The following CPA6 variants were observed in gnomAD, a reference collection of about 807,000 sequenced individuals.
CPA6 encodes carboxypeptidase A6, also known as carboxypeptidase B.
A neutral mutation model predicts 63.3 loss-of-function variants in CPA6; 58 were observed. The observed-to-expected ratio is 0.92, with a 90% CI of 0.74 to 1.14. The LOEUF (loss-of-function observed/expected upper bound fraction) is 1.14, where lower values mean the gene tolerates loss of function less well. Ranked by LOEUF, CPA6 falls within the 50% of genes most tolerant of loss-of-function variation. CPA6 has a pLI of 0.00. For synonymous variants in CPA6, 185 were observed against 179.0 expected (o/e 1.03, Z -0.27); for missense variants, 565 against 526.6 (o/e 1.07, Z -0.71).
At chr8:67,616,963 C>G (rs1814970921) in intron 2 of CPA6, among the ~76,000 whole-genome samples, 1 of 152,150 alleles carries the variant, frequency 6.6e-6, no homozygotes, top group Admixed American at 6.6e-5. Flanking sequence ...GTGCTAGACC[C>G]AACCTTCAGC....
intron 2 of CPA6, among the ~76,000 whole-genome samples, chr8:67,523,943 G>A (rs1812310404): frequency 6.6e-6 from 1 of 152,228 alleles, no homozygotes; most frequent in African/African-American, 2.4e-5. Flanking sequence ...TGTTGGTTTG[G>A]AAAAGGGTTA....
intron 8 of CPA6, among the ~76,000 whole-genome samples, chr8:67,436,213 T>C: frequency 6.6e-6 from 1 of 151,922 alleles, no homozygotes; most frequent in East Asian, 1.9e-4. Context: ...AGAGGCTGAG[T>C]GGACAGTCAG....
At chr8:67,680,797 T>C (rs187206625) in intron 1 of CPA6, among the ~76,000 whole-genome samples, 37 of 152,344 alleles carry the variant, frequency 2.4e-4, no homozygotes, top group African/African-American at 8.4e-4. Context: ...AATCCACCAG[T>C]TACCCAAAGT....
rs551095520 is a variant in CPA6 at position 67,484,679 on chromosome 8, A to G, written c.747T>C (p.Asn249=). Reference sequence around the variant, plus strand: ...CAACTGGGTAGGCAAAGTGACTTACATTGGTCCAACTAAAATGGTATCCAT... The same window carrying G: ...CAACTGGGTAGGCAAAGTGACTTACGTTGGTCCAACTAAAATGGTATCCAT... ...NVDGYHFSWT[N]DRFWRKTRSR... Residue 249 remains asparagine (N), a splice_region_variant and synonymous_variant, in exon 7 of 11, where the codon AAT becomes AAC. Transcript: ENST00000297770. 4 of 1,506,912 alleles carry G rather than the reference A, an allele frequency of 2.7e-6. No homozygotes were observed. Among genetic ancestry groups the G allele is most frequent in the African/African-American group, 2.7e-5 (2 of 72,784 alleles). The allele number at this position is 1,506,912 out of a possible 1,614,324, so 93.3% of individuals were successfully genotyped here.
At chr8:67,492,189 C>T (rs191173134) in intron 6 of CPA6, among the ~76,000 whole-genome samples, 2 of 152,280 alleles carry the variant, frequency 1.3e-5, no homozygotes, top group African/African-American at 2.4e-5. Context: ...AAATATGCAG[C>T]CACAGGAATA....
intron 1 of CPA6, among the ~76,000 whole-genome samples, chr8:67,640,334 C>A (rs967012109): frequency 6.6e-6 from 1 of 151,438 alleles, no homozygotes; most frequent in Non-Finnish European, 1.5e-5. Context: ...TTCAGTACCC[C>A]TTTGGCCTCC....
intron 10 of CPA6, among the ~76,000 whole-genome samples, chr8:67,427,496 G>A (rs1486943399): frequency 2.0e-5 from 3 of 152,256 alleles, no homozygotes; most frequent in East Asian, 3.9e-4. Context: ...AAGAACCTAC[G>A]TGGAGTGAAA....
intron 6 of CPA6, among the ~76,000 whole-genome samples, chr8:67,492,858 T>C (rs1275013760): frequency 6.6e-6 from 1 of 152,156 alleles, no homozygotes; most frequent in Non-Finnish European, 1.5e-5. Flanking sequence ...AACTCTGCTA[T>C]GTTCAAGGCA....
intron 4 of CPA6, among the ~76,000 whole-genome samples, chr8:67,510,133 G>A (rs1812013332): frequency 6.6e-6 from 1 of 151,984 alleles, no homozygotes; most frequent in Non-Finnish European, 1.5e-5. Flanking sequence ...CATATCAGAG[G>A]GCAAACTCTG....
chr8:67,522,276 C>T (rs968430780), intron 2 of CPA6, among the ~76,000 whole-genome samples: 1 of 152,198 alleles, frequency 6.6e-6, no homozygotes, highest in Non-Finnish European at 1.5e-5. Flanking sequence ...TTCAGGCCCC[C>T]TCTCACACAG....
At chr8:67,509,123 C>T (rs995242538) in intron 5 of CPA6, among the ~76,000 whole-genome samples, 1 of 152,166 alleles carries the variant, frequency 6.6e-6, no homozygotes, top group Admixed American at 6.5e-5. Context: ...AGGGGGAAAT[C>T]TGCCTTCATG....
At chr8:67,730,758 A>G (rs985457853) in intron 1 of CPA6, among the ~76,000 whole-genome samples, 2 of 152,254 alleles carry the variant, frequency 1.3e-5, no homozygotes, top group Middle Eastern at 3.2e-3. Context: ...TTCTACTATA[A>G]GAATATCATA....
At chr8:67,430,788 C>T (rs541075419) in intron 9 of CPA6, among the ~76,000 whole-genome samples, 1 of 152,230 alleles carries the variant, frequency 6.6e-6, no homozygotes, top group Admixed American at 6.5e-5. Context: ...GTAGCATCCC[C>T]CCACCCTGTT....
intron 2 of CPA6, among the ~76,000 whole-genome samples, chr8:67,539,108 T>C (rs1302082799): frequency 6.6e-6 from 1 of 152,228 alleles, no homozygotes; most frequent in Admixed American, 6.5e-5. Context: ...GTCTTTACAT[T>C]TTGGTATGCT....
chr8:67,717,047 A>AC (rs1817397713), intron 1 of CPA6, among the ~76,000 whole-genome samples: 1 of 152,218 alleles, frequency 6.6e-6, no homozygotes, highest in South Asian at 2.1e-4. Context: ...TAACAGAATT[A>AC]AGAGATCTCA....
At chr8:67,728,528 GT>G (rs1376449148) in intron 1 of CPA6, among the ~76,000 whole-genome samples, 4 of 152,276 alleles carry the variant, frequency 2.6e-5, no homozygotes, top group Non-Finnish European at 5.9e-5. Flanking sequence ...AGCATCCCAA[GT>G]TTTGATAGAC....
At chr8:67,728,366 G>T (rs1015348825) in intron 1 of CPA6, among the ~76,000 whole-genome samples, 1 of 151,536 alleles carries the variant, frequency 6.6e-6, no homozygotes, top group Admixed American at 6.6e-5. Context: ...TTTTTTTTCA[G>T]CATTTGCCAA....
intron 1 of CPA6, among the ~76,000 whole-genome samples, chr8:67,639,340 C>T (rs990064683): frequency 6.6e-6 from 1 of 151,602 alleles, no homozygotes; most frequent in South Asian, 2.1e-4. Context: ...CTGTGCTCGG[C>T]TCCCGCTACT....
chr8:67,543,761 T>C (rs1047936696), intron 2 of CPA6, among the ~76,000 whole-genome samples: 1 of 127,986 alleles, frequency 7.8e-6, no homozygotes, highest in African/African-American at 2.6e-5. Context: ...AACAATTCCC[T>C]TTTCCCCCTC....
Sources: allele counts gnomAD v4.1 joint callset (sites outside exome capture counted in the v4.1 genomes callset), GRCh38; gene constraint gnomAD v4.1.1; transcripts MANE v1.5; gene names NCBI Gene and HGNC (gene_info 2026-07-23, HGNC 2026-07-21).